The following PCDH15 variants were observed in gnomAD, a reference collection of about 807,000 sequenced individuals.
The protein encoded by PCDH15 is protocadherin-15.
A neutral mutation model predicts 178.5 loss-of-function variants in PCDH15; 129 were observed. The ratio of observed to expected loss-of-function variants is 0.72; its 90% confidence interval spans 0.63 to 0.84. The LOEUF is 0.84. Among genes scored for constraint, PCDH15 ranks in the 40% least tolerant of loss-of-function variants. The probability of loss-of-function intolerance (pLI) is 0.00; values close to 1 mark genes in which losing one functional copy is unlikely to be tolerated. For synonymous variants in PCDH15, 800 were observed against 732.0 expected, an observed-to-expected ratio of 1.09 and a Z score of -1.50; for missense variants, 2,230 against 2,099.9, an observed-to-expected ratio of 1.06 and a Z score of -1.21.
At chr10:54,809,252 T>G (rs1349296830) in intron 3 of PCDH15, among the ~76,000 whole-genome samples, 2 of 152,144 alleles carry the variant, frequency 1.3e-5, no homozygotes, top group Non-Finnish European at 2.9e-5. Flanking sequence ...TAGTAATATC[T>G]TCCTAGATTT....
intron 3 of PCDH15, among the ~76,000 whole-genome samples, chr10:54,840,575 A>G (rs1953400588): frequency 6.6e-6 from 1 of 151,920 alleles, no homozygotes; most frequent in African/African-American, 2.4e-5. Context: ...GAATGGCAAA[A>G]CTAAGTCCTT....
chr10:55,412,572 T>G (rs111824719), intron 2 of PCDH15, among the ~76,000 whole-genome samples: 11,929 of 151,816 alleles, frequency 0.079, 657 homozygotes, highest in Non-Finnish European at 0.12. Context: ...AAGCAAAGTA[T>G]TAGGGAGATC....
intron 2 of PCDH15, among the ~76,000 whole-genome samples, chr10:54,530,734 T>C (rs553477684): frequency 5.6e-4 from 85 of 152,238 alleles, no homozygotes; most frequent in African/African-American, 2.0e-3. Flanking sequence ...AGATTCAAAA[T>C]TCTCCCCAAT....
At chr10:54,296,182 G>A (rs2059773867) in intron 8 of PCDH15, among the ~76,000 whole-genome samples, 1 of 144,008 alleles carries the variant, frequency 6.9e-6, no homozygotes, top group Non-Finnish European at 1.5e-5. Flanking sequence ...GGTTGGCACG[G>A]CCACTGGAAT....
chr10:54,208,201 C>T (rs1216461295), intron 10 of PCDH15, among the ~76,000 whole-genome samples: 1 of 152,004 alleles, frequency 6.6e-6, no homozygotes, highest in Non-Finnish European at 1.5e-5. Context: ...TTACTAATAA[C>T]AAGTAATGCC....
At chr10:55,516,923 C>T (rs1841027533) in intron 2 of PCDH15, among the ~76,000 whole-genome samples, 1 of 151,950 alleles carries the variant, frequency 6.6e-6, no homozygotes, top group African/African-American at 2.4e-5. Context: ...ATATAAACTG[C>T]TACCAACTAT....
chr10:54,344,904 C>CCAAAAAAAA (rs58908008), intron 6 of PCDH15, among the ~76,000 whole-genome samples: 23 of 78,872 alleles, frequency 2.9e-4, no homozygotes, highest in South Asian at 9.8e-4. Context: ...AGAAACAAAG[C>CCAAAAAAAA]AAAAAAAAAA....
intron 1 of PCDH15, among the ~76,000 whole-genome samples, chr10:55,219,879 G>GTCAC (rs951947123): frequency 2.3e-5 from 2 of 85,926 alleles, no homozygotes; most frequent in Admixed American, 1.3e-4. Flanking sequence ...CCTGATATCA[G>GTCAC]TCACACACAC....
intron 2 of PCDH15, among the ~76,000 whole-genome samples, chr10:55,073,227 T>C (rs1006213860): frequency 2.0e-5 from 3 of 151,962 alleles, no homozygotes; most frequent in African/African-American, 7.2e-5. Flanking sequence ...CTATTCAACA[T>C]AGTGTTGGAA....
chr10:55,262,113 T>TA (rs1842161405), intron 1 of PCDH15, among the ~76,000 whole-genome samples: 2 of 39,800 alleles, frequency 5.0e-5, no homozygotes, highest in Non-Finnish European at 9.1e-5. Context: ...AGAAGAGAAA[T>TA]AAAAAAGAAA....
At chr10:54,424,639 G>T (rs1426468635) in intron 3 of PCDH15, among the ~76,000 whole-genome samples, 3 of 152,070 alleles carry the variant, frequency 2.0e-5, no homozygotes, top group Non-Finnish European at 4.4e-5. Context: ...AATGGATTAA[G>T]AAACTGTGGC....
chr10:53,864,198 A>G (rs2079292104), intron 27 of PCDH15, among the ~76,000 whole-genome samples: 1 of 152,142 alleles, frequency 6.6e-6, no homozygotes, highest in South Asian at 2.1e-4. Context: ...AAGCTAAATC[A>G]AAGGGAAAAC....
At chr10:53,808,575 T>A (rs536170900) in intron 37 of PCDH15, 1 of 1,459,204 alleles carries the variant, frequency 6.9e-7, no homozygotes, top group Non-Finnish European at 9.0e-7. Context: ...TGATCATAAG[T>A]CATATCAAAA....
At chr10:54,390,293 GT>G in intron 3 of PCDH15, among the ~76,000 whole-genome samples, 1 of 151,790 alleles carries the variant, frequency 6.6e-6, no homozygotes, top group African/African-American at 2.4e-5. Flanking sequence ...CTTTTGTTTT[GT>G]TTTGTTTTGT....
intron 3 of PCDH15, among the ~76,000 whole-genome samples, chr10:54,459,713 T>G (rs2077053091): frequency 6.6e-6 from 1 of 152,130 alleles, no homozygotes; most frequent in South Asian, 2.1e-4. Flanking sequence ...ATCATAAAAT[T>G]GCAGTAATGG....
chr10:54,327,330 T>C (rs1564974401), intron 7 of PCDH15, among the ~76,000 whole-genome samples: 1 of 151,666 alleles, frequency 6.6e-6, no homozygotes, highest in Non-Finnish European at 1.5e-5. Context: ...CCCTCCCTAA[T>C]ACATTTTACT....
chr10:55,293,104 CA>C (rs1057397259), intron 1 of PCDH15, among the ~76,000 whole-genome samples: 7 of 152,172 alleles, frequency 4.6e-5, no homozygotes, highest in African/African-American at 1.7e-4. Context: ...GGTAGGGTCC[CA>C]AACCCCAATT....
chr10:54,063,936 G>C (rs1178745328), intron 18 of PCDH15, among the ~76,000 whole-genome samples: 1 of 152,146 alleles, frequency 6.6e-6, no homozygotes. Flanking sequence ...CCTTTTTGTT[G>C]CTCGCCACAT....
chr10:55,273,242 G>C (rs549487713), intron 1 of PCDH15, among the ~76,000 whole-genome samples: 1 of 152,094 alleles, frequency 6.6e-6, no homozygotes, highest in South Asian at 2.1e-4. Context: ...TTTTACACAA[G>C]AGTAAGTGGT....
Sources: allele counts gnomAD v4.1 joint callset (sites outside exome capture counted in the v4.1 genomes callset), GRCh38; gene constraint gnomAD v4.1.1; transcripts MANE v1.5; gene names NCBI Gene and HGNC (gene_info 2026-07-23, HGNC 2026-07-21).